The following NRK variants were observed in gnomAD, a reference collection of about 807,000 sequenced individuals.
The protein encoded by NRK is Nik related kinase.
A neutral mutation model predicts 125.2 loss-of-function variants in NRK; 67 were observed. That is an observed-to-expected ratio of 0.54 (90% CI 0.44 to 0.66). The LOEUF (loss-of-function observed/expected upper bound fraction) is 0.66, where lower values mean the gene tolerates loss of function less well. NRK is among the 30% of genes least tolerant of loss of function. NRK has a pLI of 0.00. For missense variants in NRK, 1,224 were observed against 1,192.9 expected (o/e 1.03, Z -0.38); for synonymous variants, 458 against 429.0 (o/e 1.07, Z -0.84).
chrX:105,909,674 C>T lies in NRK; in HGVS notation c.2033C>T (p.Pro678Leu). 1 of 1,192,654 alleles carries T rather than the reference C, an allele frequency of 8.4e-7. No homozygotes were observed. The highest frequency in any genetic ancestry group is 1.1e-6 in the Non-Finnish European group (1 of 885,251). The change falls in exon 13 of 29, where the codon CCA becomes CTA. Residue 678 changes from proline to leucine, a missense_variant. Physicochemically the swap from Pro to Leu is moderately conservative, Grantham distance 98. Transcript: ENST00000243300. ...TCATCAAATAGGTTTTACTCACAAC[C>T]AGAACAGGCACGGGAGAAAAAATCA... ...NLSSNRFYSQ[P>L]EQAREKKSKV...
chrX:105,911,234 T>C (rs2040297020), intron 13 of NRK, among the ~76,000 whole-genome samples: 1 of 112,169 alleles, frequency 8.9e-6, no homozygotes, highest in Admixed American at 9.5e-5. Flanking sequence ...AAAAATCCTT[T>C]AATAAAAAGT....
intron 2 of NRK, among the ~76,000 whole-genome samples, chrX:105,859,649 G>A (rs1158516172): frequency 8.9e-6 from 1 of 112,303 alleles, no homozygotes. Context: ...GTGTGTGGAA[G>A]CCAGGCTTTT....
Position 105,955,532 on chromosome X carries a change from C to T in NRK, c.4681C>T (p.His1561Tyr). Reference protein sequence around the residue: ...KLFFTSTLRNHHSRVYFMTLG... With the variant: ...KLFFTSTLRNYHSRVYFMTLG... The stretch of plus-strand genomic sequence containing the variant: ...GTTCTTTACCTCTACCCTGCGCAAT[C>T]ACCACAGCCGGGTTTACTTCATGAC... The change falls in exon 29 of 29, where the codon CAC becomes TAC. Residue 1561 changes from histidine to tyrosine, a missense_variant. His to Tyr is a moderately conservative substitution (Grantham distance 83). Coordinates refer to ENST00000243300, the MANE Select transcript of NRK (RefSeq NM_198465.4). 1.7e-6 allele frequency: 2 copies of T among 1,192,672 alleles called. No homozygotes were observed. Among genetic ancestry groups the T allele is most frequent in the Non-Finnish European group, 2.3e-6 (2 of 882,721 alleles).
intron 2 of NRK, among the ~76,000 whole-genome samples, chrX:105,861,702 T>A (rs751008862): frequency 8.9e-6 from 1 of 112,411 alleles, no homozygotes; most frequent in East Asian, 2.8e-4. Flanking sequence ...TTATTTAATA[T>A]ATTTTCATCA....
chrX:105,909,809 G>A lies in NRK; in HGVS notation c.2168G>A (p.Arg723His), dbSNP rs758469754. Residue 723 changes from arginine to histidine, a missense_variant, in exon 13 of 29, where the codon CGC becomes CAC. Coordinates refer to ENST00000243300, the MANE Select transcript of NRK (RefSeq NM_198465.4). The part of the protein sequence containing the change: ...EKLELSDLEA[R>H]RQRRQRRWED... ...CTTGAACTCTCGGATTTAGAAGCCC[G>A]CAGGCAAAGGCGCCAACGCAGATGG... 26 of 1,180,036 alleles carry A rather than the reference G, an allele frequency of 2.2e-5. No homozygotes were observed. The highest frequency in any genetic ancestry group is 3.8e-5 in the South Asian group (2 of 53,333).
chrX:105,827,525 A>G (rs1343560112), intron 1 of NRK, among the ~76,000 whole-genome samples: 2 of 110,621 alleles, frequency 1.8e-5, no homozygotes, highest in African/African-American at 6.6e-5. Flanking sequence ...TTTTCCTTCC[A>G]GTTACTCCCA....
chrX:105,822,010 C>T (rs1227886259), upstream of NRK, among the ~76,000 whole-genome samples: 1 of 112,517 alleles, frequency 8.9e-6, no homozygotes, highest in African/African-American at 3.2e-5. Flanking sequence ...AGGTGCTCGC[C>T]TAGGACTGAT....
At chrX:105,891,723 A>G (rs1449926148) in intron 5 of NRK, among the ~76,000 whole-genome samples, 1 of 111,128 alleles carries the variant, frequency 9.0e-6, no homozygotes, top group African/African-American at 3.3e-5. Flanking sequence ...ATCCTTCCTA[A>G]TAAGTTCATA....
At chrX:105,890,920 G>T (rs897444529) in intron 5 of NRK, among the ~76,000 whole-genome samples, 15 of 111,527 alleles carry the variant, frequency 1.3e-4, no homozygotes. Flanking sequence ...CTGGCAAGGG[G>T]ATTACTGGTG....
intron 2 of NRK, among the ~76,000 whole-genome samples, chrX:105,843,432 T>C (rs748349429): frequency 3.7e-4 from 41 of 112,097 alleles, no homozygotes; most frequent in Non-Finnish European, 7.0e-4. Flanking sequence ...CAGATGTGCC[T>C]TGATGGAAAG....
intron 2 of NRK, among the ~76,000 whole-genome samples, chrX:105,835,295 G>C (rs1054158103): frequency 9.0e-6 from 1 of 111,020 alleles, no homozygotes; most frequent in Non-Finnish European, 1.9e-5. Flanking sequence ...TGTGGGGGTT[G>C]GTCTTCTGGA....
At chrX:105,863,551 A>G (rs1011662355) in intron 2 of NRK, among the ~76,000 whole-genome samples, 1 of 112,082 alleles carries the variant, frequency 8.9e-6, no homozygotes, top group African/African-American at 3.2e-5. Flanking sequence ...ATTCCAAGTT[A>G]CCATTGAGCC....
rs779466713 is a variant in NRK at position 105,937,534 on chromosome X, C to A, written c.3751C>A (p.Arg1251Ser). 1.7e-6 allele frequency: 2 copies of A among 1,200,957 alleles called. No homozygotes were observed. Among genetic ancestry groups the A allele is most frequent in the South Asian group, 1.8e-5 (1 of 55,592 alleles). The change falls in exon 22 of 29, where the codon CGC (arginine) becomes AGC (serine). Residue 1251 changes from arginine (R) to serine (S), a missense_variant. Coordinates refer to ENST00000243300, the MANE Select transcript of NRK (RefSeq NM_198465.4). ...TAAACTTATAAGGCGAAGACCATTC[C>A]GCCAGATTCAAGTCTTAGAGCCACT... ...ITKLIRRRPF[R>S]QIQVLEPLNL... is the part of the protein sequence containing the mutation.
chrX:105,941,716 C>T (rs771565753), intron 23 of NRK, among the ~76,000 whole-genome samples: 20 of 110,901 alleles, frequency 1.8e-4, no homozygotes, highest in Non-Finnish European at 3.2e-4. Context: ...CAAGCATATA[C>T]CTATTTATAC....
chrX:105,895,955 A>G (rs2040077426), intron 7 of NRK, among the ~76,000 whole-genome samples: 1 of 112,115 alleles, frequency 8.9e-6, no homozygotes, highest in Non-Finnish European at 1.9e-5. Flanking sequence ...CTTTTAAATT[A>G]TGTAAGGATG....
At chrX:105,919,001 T>TGA (rs1555991421) in intron 16 of NRK, among the ~76,000 whole-genome samples, 1 of 48,186 alleles carries the variant, frequency 2.1e-5, no homozygotes, top group Non-Finnish European at 3.4e-5. Flanking sequence ...AATGGTTTCC[T>TGA]GAAAAAAAAA....
At chrX:105,954,484 T>A (rs2040947083) in intron 28 of NRK, among the ~76,000 whole-genome samples, 1 of 110,773 alleles carries the variant, frequency 9.0e-6, no homozygotes, top group Admixed American at 9.7e-5. Flanking sequence ...GAAGTAACTA[T>A]GATTGCTGCC....
At chrX:105,857,452 C>T (rs2039544929) in intron 2 of NRK, among the ~76,000 whole-genome samples, 1 of 111,766 alleles carries the variant, frequency 8.9e-6, no homozygotes, top group Non-Finnish European at 1.9e-5. Context: ...AGATAACGAT[C>T]CCAAGAATCT....
chrX:105,906,433 T>C lies in NRK; in HGVS notation c.865T>C (p.Phe289Leu). Residue 289 changes from phenylalanine to leucine, a missense_variant, in exon 11 of 29, where the codon TTC becomes CTC. Transcript: ENST00000243300. The part of the protein sequence containing the change: ...SSGWSRKFHN[F>L]MEKCTIKNFL... ...TTTTAGGTCCCGTAAGTTCCACAAT[T>C]TCATGGAAAAGTGTACGATAAAAAA... 1 of 1,164,829 alleles carries C rather than the reference T, an allele frequency of 8.6e-7. No homozygotes were observed. Among genetic ancestry groups the C allele is most frequent in the Non-Finnish European group, 1.2e-6 (1 of 866,826 alleles).
Sources: allele counts gnomAD v4.1 joint callset (sites outside exome capture counted in the v4.1 genomes callset), GRCh38; gene constraint gnomAD v4.1.1; transcripts MANE v1.5; gene names NCBI Gene and HGNC (gene_info 2026-07-23, HGNC 2026-07-21).